MARCHF6: variants seen among roughly 807,000 people sequenced by gnomAD.
The protein encoded by MARCHF6 is membrane associated ring-CH-type finger 6, also known as E3 ubiquitin-protein ligase MARCHF6.
A neutral mutation model predicts 133.7 loss-of-function variants in MARCHF6; 31 were observed. That is an observed-to-expected ratio of 0.23 (90% confidence interval 0.17 to 0.31). MARCHF6 has a LOEUF of 0.31. Among genes scored for constraint, MARCHF6 ranks in the 10% least tolerant of loss-of-function variants. The probability of loss-of-function intolerance (pLI) is 1.00; values close to 1 mark genes in which losing one functional copy is unlikely to be tolerated. For missense variants in MARCHF6, 723 were observed against 1,121.6 expected, an observed-to-expected ratio of 0.64 and a Z score of 5.08; for synonymous variants, 395 against 402.5, an observed-to-expected ratio of 0.98 and a Z score of 0.22.
At chr5:10,373,476 G>T (rs891711536) in intron 1 of MARCHF6, among the ~76,000 whole-genome samples, 5 of 152,124 alleles carry the variant, frequency 3.3e-5, no homozygotes, top group African/African-American at 1.2e-4. Context: ...GCAGGGCTAG[G>T]TTGTCTAGGT....
intron 1 of MARCHF6, 49 bp from the exon 2 acceptor site, chr5:10,377,749 T>TA (rs1561109226): frequency 7.2e-7 from 1 of 1,384,082 alleles, no homozygotes; most frequent in Admixed American, 1.7e-5. Flanking sequence ...CTTGCTTTTT[T>TA]AAAAAAGTTA....
chr5:10,402,849 A>T (rs1738626466), intron 14 of MARCHF6, among the ~76,000 whole-genome samples: 1 of 152,126 alleles, frequency 6.6e-6, no homozygotes, highest in Non-Finnish European at 1.5e-5. Flanking sequence ...GGAGGATTTT[A>T]TTGCCCATTT....
chr5:10,386,809 T>C, intron 4 of MARCHF6, 185 bp from the exon 5 acceptor site: 3 of 486,394 alleles, frequency 6.2e-6, no homozygotes, highest in Non-Finnish European at 7.6e-6. Flanking sequence ...TTACTCTTCA[T>C]TGTCACTATA....
rs193150228 is a variant in MARCHF6 at position 10,404,508 on chromosome 5, T to C, written c.1332+967T>C. On this transcript the variant is annotated intron_variant, in intron 15 of 25. Transcript: ENST00000274140. ...AATGGTCACTGTGTGCCGGACACTA[T>C]ACTGCATTCTGGGGTTTCAGTGAGA... Among the ~76,000 whole-genome samples the C allele has an allele frequency of 1.0e-3, 156 of 152,318 alleles. 1 individual carries two copies. Among genetic ancestry groups the C allele is most frequent in the African/African-American group, 3.7e-3 (153 of 41,572 alleles).
chr5:10,423,205 T>TCTAA (rs1554026226), intron 22 of MARCHF6, among the ~76,000 whole-genome samples: 2 of 151,548 alleles, frequency 1.3e-5, no homozygotes, highest in Admixed American at 1.3e-4. Context: ...TAGTCATCAC[T>TCTAA]CTGTCTGGTG....
chr5:10,353,979 A>G (rs1276338400), intron 1 of MARCHF6, 62 bp downstream of exon 1: 2 of 1,490,616 alleles, frequency 1.3e-6, no homozygotes, highest in Admixed American at 2.2e-5. Context: ...TACCCCGGCC[A>G]GGTCCGCGGC....
chr5:10,425,346 A>G (rs1668160257), intron 23 of MARCHF6, among the ~76,000 whole-genome samples: 1 of 152,218 alleles, frequency 6.6e-6, no homozygotes, highest in African/African-American at 2.4e-5. Flanking sequence ...TAGAATGGCC[A>G]GGTTAGCCTC....
intron 25 of MARCHF6, 93 bp from the exon 26 acceptor site, chr5:10,433,501 A>G: frequency 1.1e-6 from 1 of 929,784 alleles, no homozygotes; most frequent in Admixed American, 1.9e-5. Context: ...ACCATTGACG[A>G]GTTTTAAGTA....
intron 18 of MARCHF6, among the ~76,000 whole-genome samples, chr5:10,411,008 T>TA (rs1561139238): frequency 6.6e-6 from 1 of 151,408 alleles, no homozygotes; most frequent in African/African-American, 2.4e-5. Context: ...TGTAAGTACT[T>TA]ACCTCTTGTA....
chr5:10,423,710 T>C (rs1235203030), intron 22 of MARCHF6, 25 bp from the exon 23 acceptor site: 1 of 1,506,426 alleles, frequency 6.6e-7, no homozygotes, highest in South Asian at 1.2e-5. Context: ...AACAGAAATA[T>C]GTTAAATGGT....
chr5:10,413,150 C>T (rs1739322814), intron 19 of MARCHF6: 1 of 152,282 alleles, frequency 6.6e-6, no homozygotes, highest in South Asian at 2.1e-4. Context: ...TTCTAGAGGA[C>T]TTTGCTGCAT....
intron 1 of MARCHF6, among the ~76,000 whole-genome samples, chr5:10,368,387 G>A (rs1413324740): frequency 6.6e-6 from 1 of 152,110 alleles, no homozygotes; most frequent in Non-Finnish European, 1.5e-5. Context: ...AATACTGGCA[G>A]TTTGGGAGGC....
chr5:10,428,451 C>T (rs1328832050), intron 24 of MARCHF6, among the ~76,000 whole-genome samples: 2 of 145,182 alleles, frequency 1.4e-5, no homozygotes, highest in Non-Finnish European at 3.0e-5. Context: ...AAGCGATTTT[C>T]CTGCCTCAGC....
At chr5:10,407,739 A>T (rs1738984319) in intron 17 of MARCHF6, among the ~76,000 whole-genome samples, 1 of 152,176 alleles carries the variant, frequency 6.6e-6, no homozygotes, top group African/African-American at 2.4e-5. Flanking sequence ...GGATCACCTG[A>T]GATTGGGAGT....
intron 25 of MARCHF6, among the ~76,000 whole-genome samples, chr5:10,432,275 A>G (rs970374748): frequency 5.3e-5 from 8 of 152,200 alleles, no homozygotes; most frequent in African/African-American, 1.7e-4. Flanking sequence ...TCTTAAAACA[A>G]TGCTGCAGCG....
rs1579634917 is a variant in MARCHF6, at chr5:10,438,999, G to C, written c.*5315G>C. On this transcript the variant is annotated 3_prime_UTR_variant, in exon 26 of 26. Transcript: ENST00000274140. ...AACTTTTCTTCACATATGTAACAGT[G>C]CCGGAGTTTTTCTGCTTCTCTGTGT... 1.3e-5 allele frequency: 2 copies of C among 152,228 alleles called. No individual in the cohort carries two copies. Among genetic ancestry groups the C allele is most frequent in the East Asian group, 3.9e-4 (2 of 5,184 alleles). 9.4% of individuals were successfully genotyped at this position (152,228 alleles called of 1,614,324 possible).
intron 1 of MARCHF6, chr5:10,354,694 C>G (rs1368392861): frequency 6.6e-6 from 1 of 152,188 alleles, no homozygotes; most frequent in African/African-American, 2.4e-5. Flanking sequence ...TTTTAACCAG[C>G]TGTGTTTTTA....
intron 24 of MARCHF6, among the ~76,000 whole-genome samples, chr5:10,428,887 G>T (rs913001746): frequency 6.6e-6 from 1 of 152,150 alleles, no homozygotes; most frequent in Admixed American, 6.5e-5. Flanking sequence ...AAGGGAAAAA[G>T]AGTGGCAAAT....
intron 25 of MARCHF6, among the ~76,000 whole-genome samples, chr5:10,430,285 GTTTTT>G (rs796935380): frequency 3.0e-5 from 4 of 133,514 alleles, no homozygotes; most frequent in African/African-American, 1.1e-4. Context: ...GGAGAGGGAG[GTTTTT>G]TTTTTTTGGT....
Sources: allele counts gnomAD v4.1 joint callset (sites outside exome capture counted in the v4.1 genomes callset), GRCh38; gene constraint gnomAD v4.1.1; transcripts MANE v1.5; gene names NCBI Gene and HGNC (gene_info 2026-07-23, HGNC 2026-07-21).